The following ASPG variants were observed in gnomAD, a reference collection of about 807,000 sequenced individuals.
ASPG encodes 60 kDa lysophospholipase.
In ASPG, 53 loss-of-function variants were observed where a neutral mutation model predicts 63.2. That is an observed-to-expected ratio of 0.84 (90% CI 0.67 to 1.05). ASPG has a LOEUF of 1.05. Among genes scored for constraint, ASPG ranks in the 50% least tolerant of loss-of-function variants. The pLI is 0.00. For missense variants in ASPG, 741 were observed against 794.4 expected (o/e 0.93, Z 0.81); for synonymous variants, 370 against 355.0 (o/e 1.04, Z -0.48).
chr14:104,092,660 C>A lies in ASPG; in HGVS notation c.110C>A (p.Ala37Asp). The change falls in exon 2 of 16, where the codon GCC becomes GAC. Residue 37 changes from alanine (A) to aspartate (D), a missense_variant. Coordinates refer to ENST00000551177, the MANE Select transcript of ASPG (RefSeq NM_001080464.3). ...CTTGTGCCCGGGACGGGCCTGGCTG[C>A]CATCCTGAGGACACTGCCCATGTTC... ...GVLVPGTGLA[A>D]ILRTLPMFHD... The A allele has an allele frequency of 6.5e-7, 1 of 1,537,006 alleles. No individual in the cohort carries two copies. The highest frequency in any genetic ancestry group is 8.7e-7 in the Non-Finnish European group (1 of 1,147,532).
chr14:104,086,533 T>C (rs1183593194), intron 1 of ASPG, among the ~76,000 whole-genome samples: 1 of 152,114 alleles, frequency 6.6e-6, no homozygotes, highest in Non-Finnish European at 1.5e-5. Flanking sequence ...CAGCCTGGGC[T>C]GGGCACAGGA....
chr14:104,091,386 C>T lies in ASPG; in HGVS notation c.83-1247C>T, dbSNP rs571838672. The stretch of plus-strand genomic sequence containing the variant: ...GGGCAGACGGGCAGACAAACATGTG[C>T]GGGCTCCGCCTCCCCCGTCTGCTGG... On this transcript the variant is annotated intron_variant, in intron 1 of 15. Coordinates refer to ENST00000551177, the MANE Select transcript of ASPG (RefSeq NM_001080464.3). The surrounding 1 kb of genome is among the most constrained non-coding windows in gnomAD (Gnocchi z 6.4). Among the ~76,000 whole-genome samples the T allele has an allele frequency of 9.2e-4, 140 of 152,246 alleles. No individual in the cohort carries two copies. Among genetic ancestry groups the T allele is most frequent in the African/African-American group, 3.2e-3 (134 of 41,540 alleles).
rs544756874 is a variant in ASPG, at chr14:104,109,832, G to A, written c.1520+517G>A. 4.6e-5 allele frequency among the ~76,000 whole-genome samples: 7 copies of A among 152,212 alleles called. No individual in the cohort carries two copies. In the South Asian group the frequency reaches 1.0e-3, roughly 23 times the overall value. ...TAGGCCCCGCCTCCACCTGCTGGCCGCATGGCACCAGTGGCCAGTGTGCCT... is the reference window on the plus strand; with the variant it reads ...TAGGCCCCGCCTCCACCTGCTGGCCACATGGCACCAGTGGCCAGTGTGCCT... On this transcript the variant is annotated intron_variant, in intron 13 of 15. Coordinates refer to ENST00000551177, the MANE Select transcript of ASPG (RefSeq NM_001080464.3). This position sits in a 1 kb window ranked among gnomAD's most constrained non-coding sequence, Gnocchi z 4.8.
chr14:104,085,968 G>T (rs150274927), intron 1 of ASPG, 116 bp downstream of exon 1: 8 of 984,274 alleles, frequency 8.1e-6, no homozygotes, highest in Non-Finnish European at 8.6e-6. Flanking sequence ...TGGATGGGGG[G>T]TGCGGGCTGA....
At chr14:104,106,619 G>C (rs1245230425) in intron 10 of ASPG, among the ~76,000 whole-genome samples, 180 bp from the exon 11 acceptor site, 1 of 152,090 alleles carries the variant, frequency 6.6e-6, no homozygotes, top group African/African-American at 2.4e-5. Flanking sequence ...GATGGGGTGG[G>C]GTGGTGAGGC....
At chr14:104,099,271 G>A (rs549591608) in intron 6 of ASPG, among the ~76,000 whole-genome samples, 101 of 152,320 alleles carry the variant, frequency 6.6e-4, no homozygotes, top group Middle Eastern at 3.4e-3. Flanking sequence ...CCAACCACTC[G>A]CCCCAGGCCT....
At chr14:104,112,364 A>T (rs1282958530) in intron 15 of ASPG, 160 bp from the exon 16 acceptor site, 4 of 661,364 alleles carry the variant, frequency 6.0e-6, no homozygotes, top group Non-Finnish European at 8.3e-6. Flanking sequence ...CCCAGCTGAC[A>T]CCCCCATTCC....
At chr14:104,105,210 G>A in intron 9 of ASPG, 118 bp from the exon 10 acceptor site, 1 of 1,510,808 alleles carries the variant, frequency 6.6e-7, no homozygotes, top group South Asian at 1.2e-5. Flanking sequence ...AGCACACACG[G>A]CCGAGGCTCA....
At chr14:104,111,831 C>G (rs1053234055) in intron 14 of ASPG, 89 bp from the exon 15 acceptor site, 15 of 1,318,678 alleles carry the variant, frequency 1.1e-5, no homozygotes, top group African/African-American at 1.5e-5. Context: ...GGGCTGGGGA[C>G]AGGGGAGGGC....
intron 1 of ASPG, among the ~76,000 whole-genome samples, chr14:104,089,390 A>T (rs1436112330): frequency 6.6e-6 from 1 of 151,890 alleles, no homozygotes; most frequent in Admixed American, 6.6e-5. Context: ...GTGGTGGCAG[A>T]TGCCTGTGGT....
intron 1 of ASPG, among the ~76,000 whole-genome samples, chr14:104,086,883 G>A (rs940159682): frequency 6.6e-6 from 1 of 152,078 alleles, no homozygotes; most frequent in African/African-American, 2.4e-5. Context: ...CTCCGGCTCT[G>A]CCAGAGCCCA....
At chr14:104,107,850 C>T (rs1364835512) in intron 12 of ASPG, among the ~76,000 whole-genome samples, 1 of 152,194 alleles carries the variant, frequency 6.6e-6, no homozygotes, top group Non-Finnish European at 1.5e-5. Flanking sequence ...GTGGGATCTG[C>T]GTCCCGTCTC....
intron 1 of ASPG, among the ~76,000 whole-genome samples, chr14:104,086,876 C>T (rs563639372): frequency 3.0e-4 from 45 of 152,258 alleles, no homozygotes; most frequent in African/African-American, 9.9e-4. Context: ...GGACCCTCTC[C>T]GGCTCTGCCA....
rs544244821 is a variant in ASPG, at chr14:104,105,208, C to T, written c.1051-120C>T. 1.9e-4 allele frequency: 284 copies of T among 1,484,758 alleles called. 1 individual carries two copies. In the African/African-American group the frequency reaches 3.6e-3, roughly 19 times the overall value. The allele number at this position is 1,484,758 out of a possible 1,614,324, so 92.0% of individuals were successfully genotyped here. ...TCTGGCCCGAGGGATGAAGCACACA[C>T]GGCCGAGGCTCAGGCCAAGGGCAAC... is the stretch of plus-strand genomic sequence containing the variant. On this transcript the variant is annotated intron_variant, in intron 9 of 15. Coordinates refer to ENST00000551177, the MANE Select transcript of ASPG (RefSeq NM_001080464.3).
chr14:104,095,009 G>T (rs922637175), intron 3 of ASPG, among the ~76,000 whole-genome samples: 3 of 152,180 alleles, frequency 2.0e-5, no homozygotes, highest in Non-Finnish European at 4.4e-5. Flanking sequence ...GCCGGAGGAC[G>T]TCCCTGCATG....
Position 104,110,498 on chromosome 14 carries a change from C to T in ASPG, c.1521-1004C>T. On this transcript the variant is annotated intron_variant, in intron 13 of 15. Coordinates refer to ENST00000551177, the MANE Select transcript of ASPG (RefSeq NM_001080464.3). This position sits in a 1 kb window ranked among gnomAD's most constrained non-coding sequence, Gnocchi z 4.7. ...ACCAGAACCCTGGTCCAGGACTCTGCTTGGAAGTGGCCTGGCCAGCCTGAG... is the reference window on the plus strand; with the variant it reads ...ACCAGAACCCTGGTCCAGGACTCTGTTTGGAAGTGGCCTGGCCAGCCTGAG... 1 of 985,302 alleles carries T rather than the reference C, an allele frequency of 1.0e-6. No individual in the cohort carries two copies. The highest frequency in any genetic ancestry group is 1.2e-6 in the Non-Finnish European group (1 of 829,874). The allele number at this position is 985,302 out of a possible 1,614,324, so 61.0% of individuals were successfully genotyped here.
At chr14:104,104,934 C>T (rs2037056008) in intron 9 of ASPG, 199 bp downstream of exon 9, 1 of 592,068 alleles carries the variant, frequency 1.7e-6, no homozygotes, top group Non-Finnish European at 2.9e-6. Flanking sequence ...CCTCACTGGA[C>T]TCCCAGCCCA....
At chr14:104,090,013 G>A (rs1190956098) in intron 1 of ASPG, among the ~76,000 whole-genome samples, 1 of 150,492 alleles carries the variant, frequency 6.6e-6, no homozygotes, top group Non-Finnish European at 1.5e-5. Flanking sequence ...AAAGAAATTG[G>A]CCAGGCTGGT....
rs2141059290 is a variant in ASPG at position 104,110,056 on chromosome 14, G to GCCC, written c.1520+741_1520+742insCCC. ...CCCCACCCCATGCCTTGTGCCTGGT[G>GCCC]ACTTGGCGCTGCCTCCTGTGCCCAG... On this transcript the variant is annotated intron_variant, in intron 13 of 15. Coordinates refer to ENST00000551177, the MANE Select transcript of ASPG (RefSeq NM_001080464.3). The surrounding 1 kb of genome is among the most constrained non-coding windows in gnomAD (Gnocchi z 4.7). 1.0e-6 allele frequency: 1 copy of GCCC among 985,444 alleles called. No individual in the cohort carries two copies. The highest frequency in any genetic ancestry group is 4.7e-5 in the South Asian group (1 of 21,284). 61.0% of individuals were successfully genotyped at this position (985,444 alleles called of 1,614,324 possible). A position where few individuals can be genotyped will look rare whatever the true frequency, so the allele number is the denominator to read the frequency against.
Sources: allele counts gnomAD v4.1 joint callset (sites outside exome capture counted in the v4.1 genomes callset), GRCh38; gene constraint gnomAD v4.1.1; non-coding constraint Gnocchi (gnomAD v3.1); transcripts MANE v1.5; gene names NCBI Gene and HGNC (gene_info 2026-07-23, HGNC 2026-07-21).